WWOX: variants seen among roughly 807,000 people sequenced by gnomAD.
WWOX encodes WW domain-containing oxidoreductase.
Under a neutral mutation model 46.2 loss-of-function variants are expected in WWOX, and 69 were observed. The ratio of observed to expected loss-of-function variants is 1.49; its 90% CI spans 1.23 to 1.82. The LOEUF (loss-of-function observed/expected upper bound fraction) is 1.82. WWOX is among the 40% of genes most tolerant of loss of function. WWOX has a pLI of 0.00. For synonymous variants in WWOX, 359 were observed against 202.6 expected (o/e 1.77, Z -6.56); for missense variants, 919 against 542.6 (o/e 1.69, Z -6.89).
intron 8 of WWOX, among the ~76,000 whole-genome samples, chr16:78,558,840 A>T (rs1482387870): frequency 1.3e-5 from 2 of 152,188 alleles, no homozygotes; most frequent in Non-Finnish European, 2.9e-5. Context: ...GACTTGCCTG[A>T]ATCCTAGACC....
intron 8 of WWOX, among the ~76,000 whole-genome samples, chr16:78,449,712 T>G (rs577460868): frequency 1.3e-5 from 2 of 152,334 alleles, no homozygotes; most frequent in East Asian, 3.9e-4. Context: ...TTTAGTCATT[T>G]AATAAGAAAG....
intron 8 of WWOX, among the ~76,000 whole-genome samples, chr16:78,847,443 G>C (rs981907703): frequency 1.6e-4 from 24 of 152,190 alleles, no homozygotes; most frequent in African/African-American, 5.5e-4. Context: ...TTTAATGTGT[G>C]TTTGTACCTA....
At chr16:78,102,080 C>T (rs1229485968) in intron 1 of WWOX, among the ~76,000 whole-genome samples, 2 of 152,060 alleles carry the variant, frequency 1.3e-5, no homozygotes, top group African/African-American at 2.4e-5. Flanking sequence ...GCCTCCACAC[C>T]CAGCTAATTA....
intron 5 of WWOX, among the ~76,000 whole-genome samples, chr16:78,243,880 A>G (rs555093180): frequency 3.3e-5 from 5 of 152,298 alleles, no homozygotes; most frequent in Non-Finnish European, 5.9e-5. Flanking sequence ...TGTGTACTCA[A>G]TGCTCAGTTT....
At chr16:78,503,046 T>G (rs933181996) in intron 8 of WWOX, among the ~76,000 whole-genome samples, 20 of 152,212 alleles carry the variant, frequency 1.3e-4, no homozygotes, top group African/African-American at 4.3e-4. Flanking sequence ...TCCCATTTAA[T>G]GTATTTGAGC....
At chr16:78,343,518 G>T (rs9938955) in intron 5 of WWOX, among the ~76,000 whole-genome samples, 13,505 of 120,432 alleles carry the variant, frequency 0.11, 4,193 homozygotes, top group African/African-American at 0.33. Context: ...TCTGAGCTGG[G>T]TCTTAAAGCT....
At chr16:78,617,822 G>C (rs924667447) in intron 8 of WWOX, among the ~76,000 whole-genome samples, 2 of 152,116 alleles carry the variant, frequency 1.3e-5, no homozygotes, top group Admixed American at 1.3e-4. Context: ...ATGTTTATTT[G>C]AATGATGGAA....
At chr16:78,144,521 A>G (rs1363951890) in intron 4 of WWOX, among the ~76,000 whole-genome samples, 1 of 24,350 alleles carries the variant, frequency 4.1e-5, no homozygotes, top group African/African-American at 1.6e-4. Context: ...ATATATATAT[A>G]TATTTTTTTT....
chr16:78,446,575 G>T (rs2083565374), intron 8 of WWOX, among the ~76,000 whole-genome samples: 1 of 147,446 alleles, frequency 6.8e-6, no homozygotes. Context: ...TATTATAATT[G>T]TTCATTATTA....
chr16:78,943,114 C>T (rs1292543984), intron 8 of WWOX, among the ~76,000 whole-genome samples: 1 of 152,176 alleles, frequency 6.6e-6, no homozygotes, highest in Non-Finnish European at 1.5e-5. Flanking sequence ...TTTAGCTAGA[C>T]AGCGAATCAA....
intron 8 of WWOX, among the ~76,000 whole-genome samples, chr16:78,829,406 A>T (rs2051752525): frequency 6.6e-6 from 1 of 152,130 alleles, no homozygotes; most frequent in African/African-American, 2.4e-5. Context: ...GATGAGATCC[A>T]CCCCTACAGG....
chr16:78,356,387 C>A (rs1250623358), intron 5 of WWOX, among the ~76,000 whole-genome samples: 1 of 152,092 alleles, frequency 6.6e-6, no homozygotes. Context: ...TCAAAGCCTT[C>A]TTCTAAAATG....
At chr16:78,873,656 G>A (rs2044174313) in intron 8 of WWOX, among the ~76,000 whole-genome samples, 1 of 152,096 alleles carries the variant, frequency 6.6e-6, no homozygotes. Flanking sequence ...TGGGCATGAT[G>A]TTGCATGCCT....
chr16:78,665,263 A>G (rs1195197423), intron 8 of WWOX, among the ~76,000 whole-genome samples: 1 of 152,210 alleles, frequency 6.6e-6, no homozygotes, highest in Non-Finnish European at 1.5e-5. Flanking sequence ...CTTGCCACGC[A>G]CATCCTAAGG....
intron 8 of WWOX, among the ~76,000 whole-genome samples, chr16:78,879,670 G>A (rs370127703): frequency 6.6e-6 from 1 of 152,142 alleles, no homozygotes; most frequent in Non-Finnish European, 1.5e-5. Context: ...CTAAGGTCGG[G>A]AGTTCGAGAC....
At chr16:78,279,832 TCAGGGGATG>T (rs141357962) in intron 5 of WWOX, among the ~76,000 whole-genome samples, 1 of 152,342 alleles carries the variant, frequency 6.6e-6, no homozygotes, top group East Asian at 1.9e-4. Flanking sequence ...AGATGAAGTA[TCAGGGGATG>T]CAGTATGGAT....
intron 8 of WWOX, among the ~76,000 whole-genome samples, chr16:78,464,480 A>G (rs986364141): frequency 3.3e-5 from 5 of 152,176 alleles, no homozygotes; most frequent in Non-Finnish European, 7.3e-5. Context: ...TACAAATCGT[A>G]TCACAAACTA....
At chr16:78,658,171 G>A (rs1178727241) in intron 8 of WWOX, among the ~76,000 whole-genome samples, 1 of 152,112 alleles carries the variant, frequency 6.6e-6, no homozygotes, top group Non-Finnish European at 1.5e-5. Flanking sequence ...TGTAGATACT[G>A]CCAGATACCC....
In WWOX at chr16:78,742,991, C is replaced by T. The variant is rs111370733; in HGVS notation, c.1056+310239C>T. On this transcript the variant is annotated intron_variant, in intron 8 of 8. Coordinates refer to ENST00000566780, the MANE Select transcript of WWOX (RefSeq NM_016373.4). ...TCGTTAATGTCTCCCAAGCACAGTA[C>T]CCCAACTCCCCACATACAGTCCCAA... Among the ~76,000 whole-genome samples, 341 of 151,770 alleles carry T rather than the reference C, an allele frequency of 2.2e-3. 1 individual carries two copies. The highest frequency in any genetic ancestry group is 7.9e-3 in the African/African-American group (327 of 41,142).
Sources: gnomAD v4.1 joint callset for allele counts (sites outside exome capture counted in the v4.1 genomes callset) on GRCh38, gnomAD v4.1.1 for gene constraint, MANE v1.5 for transcripts, NCBI Gene and HGNC (gene_info 2026-07-23, HGNC 2026-07-21) for gene names.